Variants in DHRSX observed in about 807,000 individuals in gnomAD.
The protein encoded by DHRSX is polyprenol dehydrogenase.
A neutral mutation model predicts 34.0 loss-of-function variants in DHRSX; 31 were observed. The ratio of observed to expected loss-of-function variants is 0.91; its 90% CI spans 0.69 to 1.23. The LOEUF (loss-of-function observed/expected upper bound fraction) is 1.23, where lower values mean the gene tolerates loss of function less well. Among genes scored for constraint, DHRSX ranks in the 50% most tolerant of loss-of-function variants. DHRSX has a pLI of 0.00. For synonymous variants in DHRSX, 201 were observed against 183.8 expected, an observed-to-expected ratio of 1.09 and a Z score of -0.76; for missense variants, 414 against 428.1, an observed-to-expected ratio of 0.97 and a Z score of 0.29.
intron 6 of DHRSX, among the ~76,000 whole-genome samples, chrX:2,240,222 G>T (rs992536555): frequency 5.9e-5 from 9 of 152,128 alleles, no homozygotes; most frequent in African/African-American, 1.9e-4. Flanking sequence ...GAACCCAGGA[G>T]GCGGAGGTTG....
intron 1 of DHRSX, among the ~76,000 whole-genome samples, chrX:2,437,694 AGAGAGT>A (rs779239823): frequency 0.21 from 14,661 of 68,378 alleles, 849 homozygotes; most frequent in Non-Finnish European, 0.26. Context: ...AGAGAGAGAG[AGAGAGT>A]GTGTGTGTGT....
chrX:2,293,013 A>C (rs761566547), intron 3 of DHRSX, among the ~76,000 whole-genome samples: 1 of 152,238 alleles, frequency 6.6e-6, no homozygotes, highest in South Asian at 2.1e-4. Flanking sequence ...CGAACTCCTA[A>C]GCTCAAGTGA....
intron 1 of DHRSX, among the ~76,000 whole-genome samples, chrX:2,435,189 G>C (rs2043977485): frequency 6.6e-6 from 1 of 152,102 alleles, no homozygotes; most frequent in South Asian, 2.1e-4. Context: ...GGTTGTTGGT[G>C]AAAGAAATGC....
chrX:2,232,151 T>TC, intron 6 of DHRSX, among the ~76,000 whole-genome samples: 1 of 151,510 alleles, frequency 6.6e-6, no homozygotes, highest in Admixed American at 6.6e-5. Flanking sequence ...TTTCTCCTCC[T>TC]CTCTCTCTGC....
intron 3 of DHRSX, among the ~76,000 whole-genome samples, chrX:2,387,561 C>T (rs2043286174): frequency 6.6e-6 from 1 of 151,984 alleles, no homozygotes; most frequent in Admixed American, 6.6e-5. Context: ...GTTTTTCTGC[C>T]TGCTTATAGT....
chrX:2,410,330 G>C lies in DHRSX; in HGVS notation c.218-1517C>G, dbSNP rs2043609682. Among the ~76,000 whole-genome samples, 3 of 152,214 alleles carry C rather than the reference G, an allele frequency of 2.0e-5. No individual in the cohort carries two copies. In the South Asian group the frequency reaches 6.2e-4, roughly 32 times the overall value. On this transcript the variant is annotated intron_variant, in intron 2 of 6. Coordinates refer to ENST00000334651, the MANE Select transcript of DHRSX (RefSeq NM_145177.3). ...AGAGAAGGGAGATGAGAACTAGCAG[G>C]GGAAGCGCACAGGCTTGAACAAGAA...
At chrX:2,245,688 T>C (rs2016261836) in intron 5 of DHRSX, among the ~76,000 whole-genome samples, 1 of 146,296 alleles carries the variant, frequency 6.8e-6, no homozygotes, top group African/African-American at 2.5e-5. Flanking sequence ...CCAGACGCAG[T>C]GGCTCATGCC....
intron 1 of DHRSX, among the ~76,000 whole-genome samples, chrX:2,467,393 G>A (rs2044512732): frequency 6.6e-6 from 1 of 152,136 alleles, no homozygotes. Context: ...CCGTGATTAA[G>A]GTGCCCACAG....
At chrX:2,496,427 G>A (rs1336068760) in intron 1 of DHRSX, among the ~76,000 whole-genome samples, 2 of 152,054 alleles carry the variant, frequency 1.3e-5, no homozygotes, top group Non-Finnish European at 2.9e-5. Context: ...TCAAACTCCT[G>A]AGCTCAGGCA....
intron 3 of DHRSX, among the ~76,000 whole-genome samples, chrX:2,402,977 G>A (rs2043506294): frequency 2.0e-5 from 3 of 146,586 alleles, no homozygotes. Flanking sequence ...CCGCCTCCCA[G>A]ATTCAAGCAA....
chrX:2,283,352 A>C (rs1477145376), intron 4 of DHRSX, among the ~76,000 whole-genome samples: 1 of 152,084 alleles, frequency 6.6e-6, no homozygotes, highest in African/African-American at 2.4e-5. Flanking sequence ...ACGGAACAGA[A>C]AGCTACTCTA....
intron 6 of DHRSX, among the ~76,000 whole-genome samples, chrX:2,242,731 C>T (rs73628247): frequency 1.3e-5 from 2 of 152,012 alleles, no homozygotes; most frequent in African/African-American, 4.8e-5. Context: ...AAGTTACCCT[C>T]TACGGTCTAA....
At chrX:2,388,392 G>C (rs952151427) in intron 3 of DHRSX, among the ~76,000 whole-genome samples, 6 of 152,118 alleles carry the variant, frequency 3.9e-5, no homozygotes, top group African/African-American at 1.4e-4. Context: ...GGGTTGGGGG[G>C]AGGCTGATCC....
chrX:2,377,905 AT>A (rs1379102691), intron 3 of DHRSX, among the ~76,000 whole-genome samples: 3 of 151,948 alleles, frequency 2.0e-5, no homozygotes, highest in Non-Finnish European at 2.9e-5. Context: ...CACCCGGCTA[AT>A]TTTTTGTATG....
intron 3 of DHRSX, among the ~76,000 whole-genome samples, chrX:2,294,228 G>A (rs66536323): frequency 0.03 from 4,563 of 152,114 alleles, 133 homozygotes; most frequent in Middle Eastern, 0.075. Context: ...AAGGGACAAA[G>A]AGAGAAAGGC....
intron 2 of DHRSX, among the ~76,000 whole-genome samples, chrX:2,419,485 T>A (rs940290111): frequency 6.6e-6 from 1 of 152,170 alleles, no homozygotes; most frequent in Admixed American, 6.6e-5. Context: ...CCCAAAGGAT[T>A]ATAAATCATG....
chrX:2,367,114 A>C (rs986936428), intron 3 of DHRSX, among the ~76,000 whole-genome samples: 2 of 152,070 alleles, frequency 1.3e-5, no homozygotes, highest in Non-Finnish European at 2.9e-5. Flanking sequence ...CTAAAACTAC[A>C]ATCTTCACAG....
chrX:2,298,626 A>ACACGCACACACACACACGTACACACGCG (rs2041971402), intron 3 of DHRSX, among the ~76,000 whole-genome samples: 5 of 97,440 alleles, frequency 5.1e-5, no homozygotes, highest in African/African-American at 1.5e-4. Context: ...ACACACACAC[A>ACACGCACACACACACACGTACACACGCG]CACACACACA....
chrX:2,452,557 C>A (rs1006880246), intron 1 of DHRSX, among the ~76,000 whole-genome samples: 3 of 151,946 alleles, frequency 2.0e-5, no homozygotes, highest in Admixed American at 6.6e-5. Flanking sequence ...GGCCAAGAGA[C>A]CACCATGTAC....
Sources: allele counts gnomAD v4.1 joint callset (sites outside exome capture counted in the v4.1 genomes callset), GRCh38; gene constraint gnomAD v4.1.1; transcripts MANE v1.5; gene names NCBI Gene and HGNC (gene_info 2026-07-23, HGNC 2026-07-21).